BIRC6: variants seen among roughly 807,000 people sequenced by gnomAD.
The protein encoded by BIRC6 is baculoviral IAP repeat containing 6, also known as dual E2 ubiquitin-conjugating enzyme/E3 ubiquitin-protein ligase BIRC6.
Under a neutral mutation model 503.3 loss-of-function variants are expected in BIRC6, and 98 were observed. That is an observed-to-expected ratio of 0.19 (90% CI 0.17 to 0.23). BIRC6 has a LOEUF of 0.23. Among genes scored for constraint, BIRC6 ranks in the 10% least tolerant of loss-of-function variants. The pLI is 1.00. For synonymous variants in BIRC6, 2,240 were observed against 2,078.7 expected (o/e 1.08, Z -2.11); for missense variants, 5,360 against 5,806.0 (o/e 0.92, Z 2.50).
At chr2:32,375,385 G>A (rs1021002029) in intron 1 of BIRC6, among the ~76,000 whole-genome samples, 5 of 152,130 alleles carry the variant, frequency 3.3e-5, no homozygotes, top group Non-Finnish European at 7.4e-5. Context: ...GACATGCCAG[G>A]CACAGTGGTG....
chr2:32,432,111 G>C (rs1052659716), intron 12 of BIRC6, among the ~76,000 whole-genome samples: 1 of 151,954 alleles, frequency 6.6e-6, no homozygotes, highest in Non-Finnish European at 1.5e-5. Flanking sequence ...TGGTAGGGAG[G>C]GAGATCCAAA....
rs191395624 is a variant in BIRC6 at position 32,392,350 on chromosome 2, G to A, written c.951+200G>A. ...CTCAACTGCAACCTCCGCCTCTCAG[G>A]TTCAAGTGATTCCTGTGCCTCAGCC... On this transcript the variant is annotated intron_variant, in intron 5 of 73. Transcript: ENST00000421745. Among the ~76,000 whole-genome samples, 10 of 152,230 alleles carry A rather than the reference G, an allele frequency of 6.6e-5. No homozygotes were observed. The East Asian group carries it at 1.9e-3, about 29-fold the overall frequency.
intron 71 of BIRC6, among the ~76,000 whole-genome samples, chr2:32,607,114 A>T (rs974373355): frequency 3.3e-5 from 5 of 152,186 alleles, no homozygotes; most frequent in Admixed American, 1.3e-4. Context: ...AACTAAAAAA[A>T]AAATAAACTA....
At chr2:32,570,589 T>C (rs552909833) in intron 65 of BIRC6, among the ~76,000 whole-genome samples, 2 of 152,024 alleles carry the variant, frequency 1.3e-5, no homozygotes, top group South Asian at 2.1e-4. Context: ...ACCTCCACTT[T>C]CTGGGTTCAA....
chr2:32,498,171 C>T (rs942375818), intron 45 of BIRC6, among the ~76,000 whole-genome samples: 1 of 152,132 alleles, frequency 6.6e-6, no homozygotes, highest in Non-Finnish European at 1.5e-5. Context: ...ACGTGATTTT[C>T]GTGCCTTAAC....
At chr2:32,615,386 C>A (rs571344159) in intron 73 of BIRC6, among the ~76,000 whole-genome samples, 1 of 152,242 alleles carries the variant, frequency 6.6e-6, no homozygotes, top group South Asian at 2.1e-4. Context: ...TCTCACTTAC[C>A]GGCATGTAAA....
intron 53 of BIRC6, among the ~76,000 whole-genome samples, chr2:32,510,934 C>A (rs899683832): frequency 9.9e-5 from 15 of 152,082 alleles, no homozygotes; most frequent in African/African-American, 3.6e-4. Flanking sequence ...GTGAAAGGAA[C>A]CTTGTAAAGT....
chr2:32,371,640 C>A (rs1393471423), intron 1 of BIRC6, among the ~76,000 whole-genome samples: 1 of 152,172 alleles, frequency 6.6e-6, no homozygotes, highest in East Asian at 1.9e-4. Context: ...GCCTCGGCCT[C>A]CCAAAGTGCT....
chr2:32,439,770 C>T (rs2045195007), intron 16 of BIRC6, 84 bp downstream of exon 16: 9 of 1,223,824 alleles, frequency 7.4e-6, no homozygotes, highest in East Asian at 2.5e-5. Flanking sequence ...AGTAGTATGA[C>T]CTTTCAGTGA....
In BIRC6 at chr2:32,467,896, A is replaced by G. The variant is rs1489175446; in HGVS notation, c.5572-7A>G. 1.2e-6 allele frequency: 2 copies of G among 1,604,706 alleles called. No homozygotes were observed. The highest frequency in any genetic ancestry group is 8.5e-7 in the Non-Finnish European group (1 of 1,174,388). Reference sequence around the variant, plus strand: ...TATATATGTATATTTATAATTTTTCATTTCAGATCACTGTTATTGGACGTT... The same window carrying G: ...TATATATGTATATTTATAATTTTTCGTTTCAGATCACTGTTATTGGACGTT... On this transcript the variant is annotated splice_region_variant and splice_polypyrimidine_tract_variant and intron_variant, in intron 27 of 73. Coordinates refer to ENST00000421745, the MANE Select transcript of BIRC6 (RefSeq NM_016252.4).
chr2:32,498,878 C>T (rs1420413855), intron 45 of BIRC6, among the ~76,000 whole-genome samples: 1 of 152,158 alleles, frequency 6.6e-6, no homozygotes, highest in Non-Finnish European at 1.5e-5. Flanking sequence ...TCATGCCTGG[C>T]TAATTTTTGT....
At chr2:32,473,944 A>G (rs1244082619) in intron 33 of BIRC6, among the ~76,000 whole-genome samples, 1 of 151,294 alleles carries the variant, frequency 6.6e-6, no homozygotes, top group Non-Finnish European at 1.5e-5. Flanking sequence ...TCTTGTAGAG[A>G]TGGGGTCTCG....
Position 32,575,373 on chromosome 2 carries a change from T to C in BIRC6, c.13355+7T>C. 6.2e-7 allele frequency: 1 copy of C among 1,610,362 alleles called. No individual in the cohort carries two copies. Among genetic ancestry groups the C allele is most frequent in the Non-Finnish European group, 8.5e-7 (1 of 1,176,662 alleles). ...CCTATACCAACCGTTTAAGGTACTA[T>C]ATACAATGTTCATTTCTCTTGAGTT... On this transcript the variant is annotated splice_region_variant and intron_variant, in intron 66 of 73. Transcript: ENST00000421745.
intron 63 of BIRC6, among the ~76,000 whole-genome samples, chr2:32,547,248 A>G (rs1292330845): frequency 6.6e-6 from 1 of 152,144 alleles, no homozygotes; most frequent in Non-Finnish European, 1.5e-5. Flanking sequence ...TGAGTCATTG[A>G]CTTTTTAGGC....
At chr2:32,411,571 G>A (rs1467617547) in intron 9 of BIRC6, among the ~76,000 whole-genome samples, 2 of 151,650 alleles carry the variant, frequency 1.3e-5, no homozygotes, top group Non-Finnish European at 2.9e-5. Context: ...TCTGCCTCCT[G>A]GGTTCAAGCA....
intron 4 of BIRC6, among the ~76,000 whole-genome samples, 199 bp from the exon 5 acceptor site, chr2:32,391,840 G>T (rs1418944478): frequency 6.6e-6 from 1 of 152,140 alleles, no homozygotes; most frequent in Non-Finnish European, 1.5e-5. Context: ...CACCAATCAG[G>T]TTTTCTCCTT....
chr2:32,368,403 G>C (rs1206682080), intron 1 of BIRC6, among the ~76,000 whole-genome samples: 1 of 152,018 alleles, frequency 6.6e-6, no homozygotes, highest in Non-Finnish European at 1.5e-5. Flanking sequence ...AGCCAGGCGT[G>C]GTGGTGTGCC....
intron 1 of BIRC6, among the ~76,000 whole-genome samples, chr2:32,375,885 C>G (rs557795951): frequency 6.6e-6 from 1 of 151,816 alleles, no homozygotes; most frequent in Non-Finnish European, 1.5e-5. Flanking sequence ...GCACTAAACC[C>G]GATGAAAATA....
chr2:32,414,526 G>T (rs1168295826), intron 9 of BIRC6, among the ~76,000 whole-genome samples: 3 of 152,108 alleles, frequency 2.0e-5, no homozygotes, highest in African/African-American at 4.8e-5. Context: ...AATTAGCTGG[G>T]TGTGGTGGCG....
Sources: allele counts gnomAD v4.1 joint callset (sites outside exome capture counted in the v4.1 genomes callset), GRCh38; gene constraint gnomAD v4.1.1; transcripts MANE v1.5; gene names NCBI Gene and HGNC (gene_info 2026-07-23, HGNC 2026-07-21).